Variants in ZNF804B observed in about 807,000 individuals in gnomAD.
ZNF804B encodes the protein zinc finger 804B.
In ZNF804B, 80 loss-of-function variants were observed where a neutral mutation model predicts 101.4. The ratio of observed to expected loss-of-function variants is 0.79; its 90% CI spans 0.66 to 0.95. The LOEUF is 0.95. Ranked by LOEUF, ZNF804B falls within the 40% of genes least tolerant of loss-of-function variation. The pLI, the probability that ZNF804B is intolerant of heterozygous loss-of-function variation, is 0.00. For missense variants in ZNF804B, 1,673 were observed against 1,561.9 expected, an observed-to-expected ratio of 1.07 and a Z score of -1.20; for synonymous variants, 622 against 558.8, an observed-to-expected ratio of 1.11 and a Z score of -1.59.
At chr7:89,323,880 C>A (rs1475306825) in intron 2 of ZNF804B, among the ~76,000 whole-genome samples, 1 of 152,072 alleles carries the variant, frequency 6.6e-6, no homozygotes, top group Non-Finnish European at 1.5e-5. Flanking sequence ...GGATTATGTT[C>A]TCTTTAAATG....
At chr7:89,018,770 C>T (rs1427705003) in intron 1 of ZNF804B, among the ~76,000 whole-genome samples, 12 of 151,876 alleles carry the variant, frequency 7.9e-5, no homozygotes, top group Admixed American at 7.9e-4. Flanking sequence ...CTAGGTTGTT[C>T]AATTTGTTGG....
At chr7:89,141,647 T>C (rs999529323) in intron 1 of ZNF804B, among the ~76,000 whole-genome samples, 2 of 152,034 alleles carry the variant, frequency 1.3e-5, no homozygotes, top group Non-Finnish European at 2.9e-5. Flanking sequence ...TATTGTCTTT[T>C]GCAATAGCTT....
chr7:88,874,287 A>G (rs1791887624), intron 1 of ZNF804B, among the ~76,000 whole-genome samples: 2 of 152,172 alleles, frequency 1.3e-5, no homozygotes, highest in East Asian at 1.9e-4. Context: ...TTGTTGGTGT[A>G]TAAGAATGCT....
chr7:88,773,752 G>A (rs1790103352), intron 1 of ZNF804B, among the ~76,000 whole-genome samples: 1 of 152,004 alleles, frequency 6.6e-6, no homozygotes, highest in Non-Finnish European at 1.5e-5. Context: ...AATCATGGTG[G>A]AAGGTAAAGT....
intron 2 of ZNF804B, among the ~76,000 whole-genome samples, chr7:89,326,681 A>AT (rs970827437): frequency 1.3e-5 from 2 of 152,078 alleles, no homozygotes; most frequent in Non-Finnish European, 2.9e-5. Context: ...TCTTACTTGC[A>AT]TGTAAGTCAA....
At chr7:89,089,058 T>TG (rs1405043932) in intron 1 of ZNF804B, among the ~76,000 whole-genome samples, 2 of 135,994 alleles carry the variant, frequency 1.5e-5, no homozygotes, top group African/African-American at 5.9e-5. Flanking sequence ...TTTTTTTTTC[T>TG]TTTTTTTTTT....
intron 1 of ZNF804B, among the ~76,000 whole-genome samples, chr7:88,999,577 A>G (rs991950440): frequency 2.0e-5 from 3 of 152,038 alleles, no homozygotes; most frequent in African/African-American, 4.8e-5. Flanking sequence ...AATTGTAATC[A>G]GCATTTTTGT....
chr7:89,120,288 A>G (rs934725095), intron 1 of ZNF804B, among the ~76,000 whole-genome samples: 1 of 151,610 alleles, frequency 6.6e-6, no homozygotes, highest in African/African-American at 2.4e-5. Flanking sequence ...AACTCCATCT[A>G]AAAAACAAAG....
chr7:89,194,023 T>C (rs1788504218), intron 1 of ZNF804B, among the ~76,000 whole-genome samples: 1 of 152,178 alleles, frequency 6.6e-6, no homozygotes, highest in Non-Finnish European at 1.5e-5. Context: ...TGTGAGATGG[T>C]ATCTCATTGT....
chr7:89,150,565 A>T (rs1348560849), intron 1 of ZNF804B, among the ~76,000 whole-genome samples: 1 of 152,116 alleles, frequency 6.6e-6, no homozygotes, highest in East Asian at 1.9e-4. Context: ...TTTCATCTGG[A>T]AAGTGTGAAA....
At chr7:89,037,602 A>G (rs2116242672) in intron 1 of ZNF804B, among the ~76,000 whole-genome samples, 1 of 151,966 alleles carries the variant, frequency 6.6e-6, no homozygotes, top group Non-Finnish European at 1.5e-5. Context: ...AATGATTACT[A>G]CGATCAAGCT....
chr7:89,033,510 A>AT, intron 1 of ZNF804B, among the ~76,000 whole-genome samples: 1 of 152,202 alleles, frequency 6.6e-6, no homozygotes, highest in South Asian at 2.1e-4. Flanking sequence ...GAGTAATTCT[A>AT]TTTTTAGTAT....
chr7:89,271,294 C>G (rs1789889443), intron 2 of ZNF804B, among the ~76,000 whole-genome samples: 1 of 152,084 alleles, frequency 6.6e-6, no homozygotes. Context: ...TGAATTTTGT[C>G]AAAGGCCTTT....
At chr7:89,304,392 C>T (rs1424222117) in intron 2 of ZNF804B, among the ~76,000 whole-genome samples, 1 of 151,916 alleles carries the variant, frequency 6.6e-6, no homozygotes, top group Admixed American at 6.6e-5. Context: ...TCAATAGTCT[C>T]TCTCCTTTAT....
chr7:89,008,517 C>G lies in ZNF804B; in HGVS notation c.109-209638C>G, dbSNP rs548611458. On this transcript the variant is annotated intron_variant, in intron 1 of 3. Transcript: ENST00000333190. ...ACATATTATTGCCACACATTTCTTA[C>G]CAGGTCTTTCCTGATGCTTATAACA... 5.9e-5 allele frequency among the ~76,000 whole-genome samples: 9 copies of G among 152,222 alleles called. No homozygotes were observed. In the East Asian group the frequency reaches 1.4e-3, roughly 23 times the overall value.
rs1161840237 is a variant in ZNF804B at position 89,220,116 on chromosome 7, CATATATATACGCACACATATAT to C, written c.249+1822_249+1843del. Among the ~76,000 whole-genome samples the C allele has an allele frequency of 4.0e-4, 19 of 47,484 alleles. 1 individual carries two copies. The highest frequency in any genetic ancestry group is 1.7e-3 in the African/African-American group (16 of 9,346). 31.2% of individuals were successfully genotyped at this position (47,484 alleles called of 152,430 possible). The stretch of plus-strand genomic sequence containing the variant: ...ACGCACATATATATGTGTGTATATA[CATATATATACGCACACATATAT>C]GTGTGTATATACATATATATATACG... On this transcript the variant is annotated intron_variant, in intron 2 of 3. Coordinates refer to ENST00000333190, the MANE Select transcript of ZNF804B (RefSeq NM_181646.5).
Position 88,916,520 on chromosome 7 carries a change from T to TA in ZNF804B, c.108+156442dup, listed in dbSNP as rs562759297. On this transcript the variant is annotated intron_variant, in intron 1 of 3. Coordinates refer to ENST00000333190, the MANE Select transcript of ZNF804B (RefSeq NM_181646.5). ...TTCATCTTAGAAGCCTTAGATTGAT[T>TA]AAAAAATTAATGATTGATGACAATT... 3.5e-4 allele frequency among the ~76,000 whole-genome samples: 54 copies of TA among 152,230 alleles called. No individual in the cohort carries two copies. In the South Asian group the frequency reaches 0.011, roughly 32 times the overall value.
chr7:89,006,120 C>T (rs751397498), intron 1 of ZNF804B, among the ~76,000 whole-genome samples: 4 of 152,022 alleles, frequency 2.6e-5, no homozygotes, highest in African/African-American at 9.7e-5. Context: ...AATTTGGTAA[C>T]AAAACCTTTA....
rs1562812708 is a variant in ZNF804B at position 88,854,455 on chromosome 7, C to CTTTCTTTCTTTCTT, written c.108+94373_108+94386dup. Reference sequence around the variant, plus strand: ...TCTTTCTTTCTTTCTTTCTTTCTTTCTTTCTTTCTTTCTTTCTTTCTCTTT... The same window carrying CTTTCTTTCTTTCTT: ...TCTTTCTTTCTTTCTTTCTTTCTTTCTTTCTTTCTTTCTTTTTCTTTCTTTCTTTCTTTCTCTTT... On this transcript the variant is annotated intron_variant, in intron 1 of 3. Transcript: ENST00000333190. Among the ~76,000 whole-genome samples, 16 of 121,760 alleles carry CTTTCTTTCTTTCTT rather than the reference C, an allele frequency of 1.3e-4. 1 individual carries two copies. The highest frequency in any genetic ancestry group is 5.6e-4 in the African/African-American group (16 of 28,806). The allele number at this position is 121,760 out of a possible 152,430, so 79.9% of individuals were successfully genotyped here.
Sources: gnomAD v4.1 joint callset for allele counts (sites outside exome capture counted in the v4.1 genomes callset) on GRCh38, gnomAD v4.1.1 for gene constraint, MANE v1.5 for transcripts, NCBI Gene and HGNC (gene_info 2026-07-23, HGNC 2026-07-21) for gene names.